Variants in RBFOX1 observed in about 807,000 individuals in gnomAD.
The protein encoded by RBFOX1 is RNA binding protein fox-1 homolog 1.
Under a neutral mutation model 57.7 loss-of-function variants are expected in RBFOX1, and 8 were observed. The ratio of observed to expected loss-of-function variants is 0.14; its 90% confidence interval spans 0.08 to 0.25. The LOEUF (loss-of-function observed/expected upper bound fraction) is 0.25. RBFOX1 is among the 10% of genes least tolerant of loss of function. The pLI is 1.00. For missense variants in RBFOX1, 611 were observed against 548.5 expected (o/e 1.11, Z -1.14); for synonymous variants, 326 against 222.4 (o/e 1.47, Z -4.15).
chr16:5,525,491 A>ATTTTTTTTTTTTTTTTTG (rs2044205619), intron 2 of RBFOX1, among the ~76,000 whole-genome samples: 1 of 78,270 alleles, frequency 1.3e-5, no homozygotes, highest in African/African-American at 5.4e-5. Context: ...AGCCGACACT[A>ATTTTTTTTTTTTTTTTTG]TTTTTTTTTT....
chr16:7,217,678 G>T (rs999690611), intron 4 of RBFOX1, among the ~76,000 whole-genome samples: 26 of 152,174 alleles, frequency 1.7e-4, no homozygotes, highest in African/African-American at 6.0e-4. Context: ...ATCATAGGGG[G>T]AAGGATTTTT....
At chr16:5,919,258 A>T (rs540017213) in intron 4 of RBFOX1, among the ~76,000 whole-genome samples, 3 of 152,250 alleles carry the variant, frequency 2.0e-5, no homozygotes, top group East Asian at 1.9e-4. Context: ...GCCCTGTAAC[A>T]TGTTCCAGGT....
intron 3 of RBFOX1, among the ~76,000 whole-genome samples, chr16:6,729,887 C>T (rs1034368062): frequency 6.6e-5 from 10 of 151,932 alleles, no homozygotes; most frequent in African/African-American, 2.4e-4. Context: ...ACGAGAATGG[C>T]CCAGGAGATA....
At chr16:6,727,582 C>G (rs1420963447) in intron 3 of RBFOX1, among the ~76,000 whole-genome samples, 1 of 152,014 alleles carries the variant, frequency 6.6e-6, no homozygotes, top group East Asian at 1.9e-4. Flanking sequence ...GGGGCCTATG[C>G]TTGAGTGGAG....
intron 11 of RBFOX1, 66 bp from the exon 12 acceptor site, chr16:7,653,749 C>T: frequency 1.9e-6 from 3 of 1,596,272 alleles, no homozygotes; most frequent in Non-Finnish European, 2.5e-6. Context: ...CGGGGCAGTT[C>T]CCTCCACAGC....
intron 4 of RBFOX1, among the ~76,000 whole-genome samples, chr16:5,963,020 G>A (rs528986916): frequency 6.6e-6 from 1 of 151,930 alleles, no homozygotes; most frequent in Non-Finnish European, 1.5e-5. Flanking sequence ...AGATAGAATG[G>A]CATTTTACTC....
chr16:6,832,247 C>G (rs899121080), intron 3 of RBFOX1, among the ~76,000 whole-genome samples: 8 of 152,184 alleles, frequency 5.3e-5, no homozygotes, highest in African/African-American at 1.9e-4. Flanking sequence ...GGGAACAACA[C>G]AGTGGGATTT....
chr16:7,524,633 G>T (rs1368186240), intron 5 of RBFOX1, among the ~76,000 whole-genome samples: 1 of 152,206 alleles, frequency 6.6e-6, no homozygotes, highest in East Asian at 1.9e-4. Flanking sequence ...GATTGGAGAA[G>T]GAATGTGGGT....
At chr16:7,212,041 G>C (rs941335252) in intron 4 of RBFOX1, among the ~76,000 whole-genome samples, 1 of 152,068 alleles carries the variant, frequency 6.6e-6, no homozygotes, top group African/African-American at 2.4e-5. Flanking sequence ...CTGGAAAAGT[G>C]GGGCCAAGAA....
chr16:6,372,928 G>C (rs1431290371), intron 2 of RBFOX1, among the ~76,000 whole-genome samples: 2 of 151,638 alleles, frequency 1.3e-5, no homozygotes, highest in African/African-American at 4.8e-5. Context: ...AGGATTGTTG[G>C]GTAGGAGGAT....
At chr16:6,599,860 C>T (rs1444039819) in intron 2 of RBFOX1, among the ~76,000 whole-genome samples, 1 of 152,202 alleles carries the variant, frequency 6.6e-6, no homozygotes, top group South Asian at 2.1e-4. Context: ...TGAGCTAACA[C>T]TTGTTAGGCA....
chr16:5,783,400 T>C (rs750993830), intron 3 of RBFOX1, among the ~76,000 whole-genome samples: 12 of 152,216 alleles, frequency 7.9e-5, no homozygotes, highest in South Asian at 6.2e-4. Context: ...GTTTCTTAAA[T>C]TTATGTATGA....
chr16:5,856,206 T>TATATATAC (rs1159874642), intron 3 of RBFOX1, among the ~76,000 whole-genome samples: 9 of 40,508 alleles, frequency 2.2e-4, no homozygotes, highest in Non-Finnish European at 3.7e-4. Flanking sequence ...TATATATATA[T>TATATATAC]ACATATATAT....
At chr16:7,233,179 G>A (rs2103403) in intron 4 of RBFOX1, among the ~76,000 whole-genome samples, 100,964 of 151,112 alleles carry the variant, frequency 0.67, 35,358 homozygotes, top group East Asian at 0.96. Flanking sequence ...TAAAGCCCTG[G>A]AAGTCTGGCT....
chr16:6,491,640 A>T (rs1598127302), intron 2 of RBFOX1, among the ~76,000 whole-genome samples: 1 of 152,150 alleles, frequency 6.6e-6, no homozygotes, highest in South Asian at 2.1e-4. Context: ...TAATTCCCAG[A>T]TGTGCATTAT....
At chr16:6,693,326 C>T (rs1270442114) in intron 3 of RBFOX1, among the ~76,000 whole-genome samples, 2 of 151,738 alleles carry the variant, frequency 1.3e-5, no homozygotes, top group Non-Finnish European at 2.9e-5. Context: ...CCACCATCAT[C>T]ACCATCATCC....
At chr16:7,293,732 C>A (rs1033421307) in intron 4 of RBFOX1, among the ~76,000 whole-genome samples, 1 of 152,218 alleles carries the variant, frequency 6.6e-6, no homozygotes, top group Middle Eastern at 3.2e-3. Flanking sequence ...ATACCCGATA[C>A]ATCCCCAGTG....
intron 3 of RBFOX1, among the ~76,000 whole-genome samples, chr16:6,748,029 C>G (rs1216533744): frequency 6.6e-6 from 1 of 152,122 alleles, no homozygotes; most frequent in East Asian, 1.9e-4. Context: ...GGATTGTTCA[C>G]CAGTAGTGAC....
intron 1 of RBFOX1, among the ~76,000 whole-genome samples, chr16:5,393,244 G>T (rs1436885150): frequency 1.3e-5 from 2 of 152,160 alleles, no homozygotes; most frequent in Admixed American, 6.5e-5. Context: ...ACTGGACACG[G>T]TGCCCTGTAA....
Sources: allele counts gnomAD v4.1 joint callset (sites outside exome capture counted in the v4.1 genomes callset), GRCh38; gene constraint gnomAD v4.1.1; transcripts MANE v1.5; gene names NCBI Gene and HGNC (gene_info 2026-07-23, HGNC 2026-07-21).